The following BRAT1 variants were observed in gnomAD, a reference collection of about 807,000 sequenced individuals.
The protein encoded by BRAT1 is BRCA1 associated ATM activator 1.
BRAT1 carries 74 observed loss-of-function variants against 70.6 expected under a neutral mutation model. The ratio of observed to expected loss-of-function variants is 1.05; its 90% CI spans 0.87 to 1.27. The LOEUF is 1.27. Among genes scored for constraint, BRAT1 ranks in the 50% most tolerant of loss-of-function variants. BRAT1 has a pLI of 0.00. For missense variants in BRAT1, 1,203 were observed against 1,098.2 expected (o/e 1.10, Z -1.35); for synonymous variants, 615 against 517.1 (o/e 1.19, Z -2.57).
intron 4 of BRAT1, 189 bp from the exon 5 acceptor site, chr7:2,544,151 C>T (rs890646348): frequency 2.5e-5 from 11 of 438,306 alleles, no homozygotes; most frequent in East Asian, 1.8e-4. Context: ...TCCCCCCGAG[C>T]GTTAAACACA....
At chr7:2,541,646 C>T (rs753581235) in intron 8 of BRAT1, 72 bp downstream of exon 8, 144 of 1,494,422 alleles carry the variant, frequency 9.6e-5, no homozygotes, top group Admixed American at 3.2e-4. Context: ...GGGTGGGGGG[C>T]GTCAGCCTAC....
Position 2,542,169 on chromosome 7 carries a change from C to T in BRAT1, c.966G>A (p.Gln322=). 1 of 1,572,136 alleles carries T rather than the reference C, an allele frequency of 6.4e-7. No homozygotes were observed. Among genetic ancestry groups the T allele is most frequent in the Non-Finnish European group, 8.6e-7 (1 of 1,158,658 alleles). The change falls in exon 7 of 14, where the codon CAG becomes CAA. Residue 322 remains glutamine, a synonymous_variant. Transcript: ENST00000340611. ...LRTQAFQVLL[Q]PLACVLKATV... is the part of the protein sequence containing the mutation. ...TGGCCTTCAGGACACAGGCCAGGGG[C>T]TGGAGAAGGACCTGGAAGGCCTGGG...
At chr7:2,539,114 C>T in intron 13 of BRAT1, 65 bp downstream of exon 13, 1 of 1,532,062 alleles carries the variant, frequency 6.5e-7, no homozygotes, top group Non-Finnish European at 8.8e-7. Context: ...CGACCACCCG[C>T]AAGCAAACGA....
At chr7:2,539,071 C>G (rs1583292603) in intron 13 of BRAT1, 108 bp downstream of exon 13, 1 of 1,482,026 alleles carries the variant, frequency 6.7e-7, no homozygotes. Context: ...CTGCCCACAG[C>G]AGCAGCTGCT....
chr7:2,548,093 C>CAA (rs57069903), intron 2 of BRAT1, among the ~76,000 whole-genome samples: 1,093 of 98,726 alleles, frequency 0.011, 23 homozygotes, highest in African/African-American at 0.034. Context: ...GACTCCATTC[C>CAA]AAAAAAAAAA....
rs1583308223 is a variant in BRAT1, at chr7:2,543,115, T to C, written c.923+89A>G. ...CCTGACTGTCCCTGGTGTCCGGAAC[T>C]CCCCTGCCATGAGGGCTGCGCTCTC... On this transcript the variant is annotated intron_variant, in intron 6 of 13. Transcript: ENST00000340611. The surrounding 1 kb of genome is among the most constrained non-coding windows in gnomAD (Gnocchi z 5.5). 6.9e-7 allele frequency: 1 copy of C among 1,440,480 alleles called. No homozygotes were observed. Among genetic ancestry groups the C allele is most frequent in the South Asian group, 1.5e-5 (1 of 65,510 alleles). 89.2% of individuals were successfully genotyped at this position (1,440,480 alleles called of 1,614,324 possible). A position where few individuals can be genotyped will look rare whatever the true frequency, so the allele number is the denominator to read the frequency against.
chr7:2,538,651 G>C lies in BRAT1; in HGVS notation c.1884C>G (p.Ala628=), dbSNP rs142346283. 3 of 1,598,208 alleles carry C rather than the reference G, an allele frequency of 1.9e-6. No homozygotes were observed. The African/African-American group carries it at 4.0e-5, about 21-fold the overall frequency. Residue 628 remains alanine (A), a synonymous_variant, in exon 14 of 14, where the codon GCC becomes GCG. Coordinates refer to ENST00000340611, the MANE Select transcript of BRAT1 (RefSeq NM_152743.4). ...TGGCCACGAACTGCTCCGTGTCCTG[G>C]GCCGCGTCGGCGTGGCCGTCCCGCA... ...EWLRDGHADA[A]QDTEQFVATV...
rs771033486 is a variant in BRAT1, at chr7:2,543,754, C to G, written c.639G>C (p.Lys213Asn). 1.0e-5 allele frequency: 16 copies of G among 1,605,932 alleles called. No homozygotes were observed. The highest frequency in any genetic ancestry group is 1.7e-5 in the Admixed American group (1 of 59,680). ...EESLCSAATP[K>N]VTQALNVLTT... is the part of the protein sequence containing the mutation. ...TCAGGACGTTCAGGGCCTGAGTGAC[C>G]TTGGGGGTGGCCGCGGAGCACAAGG... The change falls in exon 5 of 14, where the codon AAG (lysine) becomes AAC (asparagine). Residue 213 changes from lysine to asparagine, a missense_variant. Transcript: ENST00000340611. This position sits in a 1 kb window ranked among gnomAD's most constrained non-coding sequence, Gnocchi z 5.5.
Position 2,539,180 on chromosome 7 carries a change from T to C in BRAT1, c.1769A>G (p.Gln590Arg), listed in dbSNP as rs530730434. ...PTSPEHAEAR[Q>R]SLFLELLHIL... ...GCTGAGGAACCTGCCACCTCCTACC[T>C]GCCGGGCCTCTGCATGCTCAGGGCT... is the stretch of plus-strand genomic sequence containing the variant. Residue 590 changes from glutamine (Q) to arginine (R), a missense_variant and splice_region_variant, in exon 13 of 14, where the codon CAG becomes CGG. Gln to Arg is a conservative substitution (Grantham distance 43). Coordinates refer to ENST00000340611, the MANE Select transcript of BRAT1 (RefSeq NM_152743.4). 6.3e-7 allele frequency: 1 copy of C among 1,595,466 alleles called. No individual in the cohort carries two copies. Among genetic ancestry groups the C allele is most frequent in the Non-Finnish European group, 8.6e-7 (1 of 1,168,656 alleles).
Position 2,543,221 on chromosome 7 carries a change from G to C in BRAT1, c.906C>G (p.Ile302Met). 1 of 1,607,640 alleles carries C rather than the reference G, an allele frequency of 6.2e-7. No homozygotes were observed. Among genetic ancestry groups the C allele is most frequent in the Non-Finnish European group, 8.5e-7 (1 of 1,177,128 alleles). The change falls in exon 6 of 14, where the codon ATC becomes ATG. Residue 302 changes from isoleucine to methionine, a missense_variant. Ile to Met is a conservative substitution (Grantham distance 10). Coordinates refer to ENST00000340611, the MANE Select transcript of BRAT1 (RefSeq NM_152743.4). This position sits in a 1 kb window ranked among gnomAD's most constrained non-coding sequence, Gnocchi z 5.5. ...PTHMGPLALG[I>M]LKLEHCPQAL... is the part of the protein sequence containing the mutation. ...GACCATACCAGTGCTCGAGCTTCAG[G>C]ATCCCCAAAGCCAGGGGTCCCATGT...
intron 2 of BRAT1, among the ~76,000 whole-genome samples, chr7:2,553,476 G>C (rs1488942962): frequency 1.3e-5 from 2 of 152,146 alleles, no homozygotes; most frequent in Non-Finnish European, 2.9e-5. Flanking sequence ...CACTATGATA[G>C]CAAGAGAGAA....
In BRAT1 at chr7:2,539,811, G is replaced by A. The variant is rs1178412693; in HGVS notation, c.1473C>T (p.Gly491=). The change falls in exon 11 of 14, where the codon GGC becomes GGT. Residue 491 remains glycine, a synonymous_variant. Coordinates refer to ENST00000340611, the MANE Select transcript of BRAT1 (RefSeq NM_152743.4). The part of the protein sequence containing the change: ...SPKTPGCSDL[G]PLIPQFLREL... ...CTCTGAGGAACTGCGGGATGAGGGG[G>A]CCGAGATCAGAGCAGCCGGGGGTCT... 1 of 1,611,890 alleles carries A rather than the reference G, an allele frequency of 6.2e-7. No homozygotes were observed. Among genetic ancestry groups the A allele is most frequent in the Non-Finnish European group, 8.5e-7 (1 of 1,179,210 alleles).
In BRAT1 at chr7:2,539,597, T is replaced by C; in HGVS notation, c.1544A>G (p.Glu515Gly). The C allele has an allele frequency of 1.3e-6, 2 of 1,591,286 alleles. No individual in the cohort carries two copies. The highest frequency in any genetic ancestry group is 1.7e-6 in the Non-Finnish European group (2 of 1,168,338). ...LQKRLCHPCW[E>G]VRDSALEFLT... ...GAACTCGAGGGCGGAGTCCCTCACC[T>C]CCCAGCAGGGGTGGCACAGGCGTTT... Residue 515 changes from glutamate (E) to glycine (G), a missense_variant, in exon 12 of 14, where the codon GAG (glutamate) becomes GGG (glycine). Transcript: ENST00000340611.
At chr7:2,550,525 T>A (rs1348208628) in intron 2 of BRAT1, among the ~76,000 whole-genome samples, 9 of 100,650 alleles carry the variant, frequency 8.9e-5, no homozygotes, top group East Asian at 2.8e-4. Context: ...AAATAATATG[T>A]AAAGCGAAAA....
rs374294371 is a variant in BRAT1 at position 2,543,817 on chromosome 7, G to A, written c.576C>T (p.Pro192=). ...GQPCLPGGDW[P]ACAQKIMDHV... is the part of the protein sequence containing the mutation. The stretch of plus-strand genomic sequence containing the variant: ...GATCCATGATCTTCTGGGCACACGC[G>A]GGCCAGTCACCCCCCGGCAGGCAGG... The change falls in exon 5 of 14, where the codon CCC becomes CCT. Residue 192 remains proline, a synonymous_variant. Coordinates refer to ENST00000340611, the MANE Select transcript of BRAT1 (RefSeq NM_152743.4). This position sits in a 1 kb window ranked among gnomAD's most constrained non-coding sequence, Gnocchi z 5.5. The A allele has an allele frequency of 7.9e-5, 127 of 1,612,662 alleles. 1 individual carries two copies. Among genetic ancestry groups the A allele is most frequent in the South Asian group, 3.6e-4 (33 of 91,004 alleles).
chr7:2,541,035 T>C lies in BRAT1; in HGVS notation c.1339A>G (p.Thr447Ala). ...SQGTGPQELVTQALAVLLECL... is the reference protein window; with the variant it reads ...SQGTGPQELVAQALAVLLECL... ...TCCAGGAGGACAGCAAGCGCCTGCG[T>C]CACCAGCTCCTGGGGGCCTGAGACA... The change falls in exon 10 of 14, where the codon ACG becomes GCG. Residue 447 changes from threonine (T) to alanine (A), a missense_variant. Thr to Ala is a moderately conservative substitution (Grantham distance 58). Transcript: ENST00000340611. The C allele has an allele frequency of 6.4e-7, 1 of 1,571,194 alleles. No individual in the cohort carries two copies. The highest frequency in any genetic ancestry group is 8.6e-7 in the Non-Finnish European group (1 of 1,167,732).
chr7:2,541,003 G>C lies in BRAT1; in HGVS notation c.1371C>G (p.Leu457=). ...CCGTGGGGCTGGAGCCGGGGCTCTC[G>C]AGGCACTCCAGGAGGACAGCAAGCG... The part of the protein sequence containing the change: ...TQALAVLLEC[L]ESPGSSPTVL... Residue 457 remains leucine, a synonymous_variant, in exon 10 of 14, where the codon CTC becomes CTG. Coordinates refer to ENST00000340611, the MANE Select transcript of BRAT1 (RefSeq NM_152743.4). The C allele has an allele frequency of 5.1e-6, 8 of 1,555,338 alleles. No individual in the cohort carries two copies. The highest frequency in any genetic ancestry group is 1.2e-5 in the South Asian group (1 of 81,280).
intron 3 of BRAT1, among the ~76,000 whole-genome samples, chr7:2,547,083 C>T (rs1398932634): frequency 1.3e-5 from 2 of 152,120 alleles, no homozygotes; most frequent in East Asian, 1.9e-4. Context: ...GAGCTGGGAG[C>T]CCGTGCCAGT....
chr7:2,547,543 G>A (rs1016716215), intron 2 of BRAT1, 65 bp from the exon 3 acceptor site: 9 of 1,547,050 alleles, frequency 5.8e-6, no homozygotes, highest in African/African-American at 5.5e-5. Flanking sequence ...CTGGATGACC[G>A]CTCTTCTCCT....
Sources: allele counts gnomAD v4.1 joint callset (sites outside exome capture counted in the v4.1 genomes callset), GRCh38; gene constraint gnomAD v4.1.1; non-coding constraint Gnocchi (gnomAD v3.1); transcripts MANE v1.5; gene names NCBI Gene and HGNC (gene_info 2026-07-23, HGNC 2026-07-21).